PDE3A: variants seen among roughly 807,000 people sequenced by gnomAD.
PDE3A encodes the protein cGMP-inhibited 3',5'-cyclic phosphodiesterase 3A.
PDE3A carries 43 observed loss-of-function variants against 98.3 expected under a neutral mutation model. The ratio of observed to expected loss-of-function variants is 0.44; its 90% CI spans 0.34 to 0.56. The LOEUF (loss-of-function observed/expected upper bound fraction) is 0.56. PDE3A is among the 20% of genes least tolerant of loss of function. The probability of loss-of-function intolerance (pLI) is 0.01; values close to 1 mark genes in which losing one functional copy is unlikely to be tolerated. For synonymous variants in PDE3A, 663 were observed against 567.9 expected, an observed-to-expected ratio of 1.17 and a Z score of -2.38; for missense variants, 1,427 against 1,440.7, an observed-to-expected ratio of 0.99 and a Z score of 0.15.
intron 8 of PDE3A, among the ~76,000 whole-genome samples, chr12:20,635,283 A>G (rs568442053): frequency 1.3e-5 from 2 of 152,012 alleles, no homozygotes; most frequent in Non-Finnish European, 2.9e-5. Flanking sequence ...TTACCCAGGC[A>G]TAGCCAGGTG....
intron 1 of PDE3A, among the ~76,000 whole-genome samples, chr12:20,537,221 A>T (rs1181405988): frequency 1.3e-5 from 2 of 151,966 alleles, no homozygotes; most frequent in African/African-American, 4.8e-5. Context: ...TGTCTATTTA[A>T]TCCTGTGCCC....
At chr12:20,511,796 A>G (rs1427164043) in intron 1 of PDE3A, among the ~76,000 whole-genome samples, 1 of 152,060 alleles carries the variant, frequency 6.6e-6, no homozygotes, top group Non-Finnish European at 1.5e-5. Context: ...GAGAGACTGC[A>G]TTGGAGAAAC....
intron 2 of PDE3A, among the ~76,000 whole-genome samples, chr12:20,568,404 T>C (rs954319631): frequency 5.9e-5 from 9 of 152,150 alleles, no homozygotes; most frequent in Admixed American, 2.0e-4. Context: ...CTTCTAAATA[T>C]TTAAAAGACA....
chr12:20,595,658 G>C, intron 2 of PDE3A, among the ~76,000 whole-genome samples: 1 of 152,132 alleles, frequency 6.6e-6, no homozygotes. Flanking sequence ...TAAAGTATTT[G>C]TTTGAAGTAT....
At chr12:20,430,719 T>C (rs1302051738) in intron 1 of PDE3A, among the ~76,000 whole-genome samples, 1 of 152,160 alleles carries the variant, frequency 6.6e-6, no homozygotes. Flanking sequence ...CCCTGGTGTG[T>C]ATAGAAGCAT....
intron 1 of PDE3A, among the ~76,000 whole-genome samples, chr12:20,442,529 C>T (rs867437831): frequency 2.0e-5 from 3 of 152,142 alleles, no homozygotes. Context: ...TCACTGACCT[C>T]GCATGGCCTC....
chr12:20,553,013 C>A lies in PDE3A; in HGVS notation c.961-3647C>A. 5.2e-6 allele frequency: 8 copies of A among 1,533,988 alleles called. No homozygotes were observed. The South Asian group carries it at 9.4e-5, about 18-fold the overall frequency. On this transcript the variant is annotated intron_variant, in intron 1 of 15. Transcript: ENST00000359062. ...CCCGGCTACGGCAATGGCCGGTGAT[C>A]TCCAAGCACTTCTCGACAGGCGTTT...
At chr12:20,561,012 C>T (rs1162151359) in intron 2 of PDE3A, among the ~76,000 whole-genome samples, 2 of 140,552 alleles carry the variant, frequency 1.4e-5, no homozygotes, top group African/African-American at 3.0e-5. Flanking sequence ...CTTGTAATCC[C>T]GGCACTTTGG....
At chr12:20,501,200 A>G (rs1485861954) in intron 1 of PDE3A, among the ~76,000 whole-genome samples, 4 of 152,210 alleles carry the variant, frequency 2.6e-5, no homozygotes, top group Non-Finnish European at 5.9e-5. Flanking sequence ...AATTCTGTGA[A>G]CAAGGAGTTG....
chr12:20,453,785 C>T (rs1033145088), intron 1 of PDE3A, among the ~76,000 whole-genome samples: 5 of 152,070 alleles, frequency 3.3e-5, no homozygotes, highest in African/African-American at 9.7e-5. Flanking sequence ...ATCTCAGATT[C>T]GATCTATCTG....
At chr12:20,656,860 C>G (rs892514722) in intron 15 of PDE3A, among the ~76,000 whole-genome samples, 8 of 152,206 alleles carry the variant, frequency 5.3e-5, no homozygotes, top group Admixed American at 4.6e-4. Context: ...GGAGACTTAA[C>G]AGGCTCAACT....
In PDE3A at chr12:20,613,645, A is replaced by C. The variant is rs577466892; in HGVS notation, c.1214A>C (p.Tyr405Ser). 2.9e-5 allele frequency: 47 copies of C among 1,613,874 alleles called. 1 individual carries two copies. In the South Asian group the frequency reaches 4.9e-4, roughly 17 times the overall value. The change falls in exon 3 of 16, where the codon TAT becomes TCT. Residue 405 changes from tyrosine (Y) to serine (S), a missense_variant. Tyr to Ser is a moderately radical substitution (Grantham distance 144). Coordinates refer to ENST00000359062, the MANE Select transcript of PDE3A (RefSeq NM_000921.5). ...CCCGTCACTTCGCTCAGTGAAAACTATACCTGTTCTGACTCTGAAGAGAGC... is the reference window on the plus strand; with the variant it reads ...CCCGTCACTTCGCTCAGTGAAAACTCTACCTGTTCTGACTCTGAAGAGAGC... The part of the protein sequence containing the change: ...VNPVTSLSEN[Y>S]TCSDSEESSE...
rs1439468428 is a variant in PDE3A at position 20,685,216 on chromosome 12, C to T, written c.*4945C>T. ...TCACCTGAGGTCGGGAGTTCGACAC[C>T]AGCCTGACCAACACGGAGAAACCCC... On this transcript the variant is annotated 3_prime_UTR_variant, in exon 16 of 16. Coordinates refer to ENST00000359062, the MANE Select transcript of PDE3A (RefSeq NM_000921.5). Among the ~76,000 whole-genome samples, 1 of 151,838 alleles carries T rather than the reference C, an allele frequency of 6.6e-6. No homozygotes were observed. The highest frequency in any genetic ancestry group is 2.4e-5 in the African/African-American group (1 of 41,326).
At chr12:20,481,743 T>C (rs7308041) in intron 1 of PDE3A, among the ~76,000 whole-genome samples, 88,089 of 147,266 alleles carry the variant, frequency 0.6, 27,395 homozygotes, top group South Asian at 0.78. Context: ...AGATTCTCCA[T>C]GTAAGTGACT....
chr12:20,375,898 A>G (rs927697058), intron 1 of PDE3A, among the ~76,000 whole-genome samples: 2 of 151,928 alleles, frequency 1.3e-5, no homozygotes, highest in African/African-American at 4.8e-5. Flanking sequence ...GCAGAACTTC[A>G]TTTGTTCATT....
intron 1 of PDE3A, among the ~76,000 whole-genome samples, chr12:20,512,464 G>C (rs1048552699): frequency 1.3e-5 from 2 of 152,064 alleles, no homozygotes; most frequent in Non-Finnish European, 2.9e-5. Context: ...CTTTGTAGAG[G>C]CCACGGAAGC....
intron 9 of PDE3A, among the ~76,000 whole-genome samples, chr12:20,638,595 G>C (rs1944572985): frequency 1.3e-5 from 2 of 152,058 alleles, no homozygotes. Flanking sequence ...CATACTTTAG[G>C]GATCCCCCTG....
intron 2 of PDE3A, chr12:20,571,913 T>G: frequency 9.5e-7 from 1 of 1,052,636 alleles, no homozygotes; most frequent in Non-Finnish European, 1.1e-6. Context: ...CAGGAAATGT[T>G]GAATCAATGA....
intron 5 of PDE3A, among the ~76,000 whole-genome samples, chr12:20,624,639 C>G (rs1275307326): frequency 1.3e-5 from 2 of 152,166 alleles, no homozygotes; most frequent in Non-Finnish European, 2.9e-5. Flanking sequence ...ACAGCTGTCA[C>G]AGCACAGCTA....
Sources: gnomAD v4.1 joint callset for allele counts (sites outside exome capture counted in the v4.1 genomes callset) on GRCh38, gnomAD v4.1.1 for gene constraint, MANE v1.5 for transcripts, NCBI Gene and HGNC (gene_info 2026-07-23, HGNC 2026-07-21) for gene names.